The following ATP11B variants were observed in gnomAD, a reference collection of about 807,000 sequenced individuals.
ATP11B encodes the protein ATPase phospholipid transporting 11B (putative).
In ATP11B, 81 loss-of-function variants were observed where a neutral mutation model predicts 157.8. The ratio of observed to expected loss-of-function variants is 0.51; its 90% CI spans 0.43 to 0.62. The LOEUF (loss-of-function observed/expected upper bound fraction) is 0.62, where lower values mean the gene tolerates loss of function less well. Ranked by LOEUF, ATP11B falls within the 20% of genes least tolerant of loss-of-function variation. The pLI, the probability that ATP11B is intolerant of heterozygous loss-of-function variation, is 0.00. For synonymous variants in ATP11B, 451 were observed against 469.4 expected, an observed-to-expected ratio of 0.96 and a Z score of 0.51; for missense variants, 1,165 against 1,402.2, an observed-to-expected ratio of 0.83 and a Z score of 2.70.
intron 28 of ATP11B, among the ~76,000 whole-genome samples, chr3:182,910,355 C>T (rs1408884810): frequency 6.6e-6 from 1 of 151,390 alleles, no homozygotes; most frequent in Non-Finnish European, 1.5e-5. Flanking sequence ...GTGGGAGGAC[C>T]ACTGGAGGCC....
At position 182,872,990 on chromosome 3, in the gene ATP11B, A is replaced by G. The variant is rs192241710; in HGVS notation, c.2048+453A>G. Among the ~76,000 whole-genome samples the G allele has an allele frequency of 1.6e-4, 24 of 152,326 alleles. No individual in the cohort carries two copies. In the East Asian group the frequency reaches 4.4e-3, roughly 28 times the overall value. ...ACCATCCCTCTGTGACTACCTATTC[A>G]TAAAGTATAGCTTAGATATTAGCTC... On this transcript the variant is annotated intron_variant, in intron 18 of 29. Transcript: ENST00000323116.
chr3:182,824,894 A>G (rs917011606), intron 2 of ATP11B, among the ~76,000 whole-genome samples: 17 of 152,188 alleles, frequency 1.1e-4, no homozygotes, highest in African/African-American at 4.1e-4. Flanking sequence ...TAAAATGTAA[A>G]TTTTATGTAT....
At position 182,803,752 on chromosome 3, in the gene ATP11B, C is replaced by G. The variant is rs895943772; in HGVS notation, c.27+9966C>G. On this transcript the variant is annotated intron_variant, in intron 1 of 29. Coordinates refer to ENST00000323116, the MANE Select transcript of ATP11B (RefSeq NM_014616.3). Reference sequence around the variant, plus strand: ...CTGTTTATTGAATGAGGCATCCTTCCTCCACGAGTCTGTGTTGTTTGCCTT... The same window carrying G: ...CTGTTTATTGAATGAGGCATCCTTCGTCCACGAGTCTGTGTTGTTTGCCTT... 3.9e-5 allele frequency among the ~76,000 whole-genome samples: 6 copies of G among 152,154 alleles called. No individual in the cohort carries two copies. In the East Asian group the frequency reaches 1.2e-3, roughly 29 times the overall value.
chr3:182,830,466 G>A (rs2108506053), intron 4 of ATP11B, among the ~76,000 whole-genome samples: 1 of 152,232 alleles, frequency 6.6e-6, no homozygotes, highest in East Asian at 1.9e-4. Flanking sequence ...GAGAAACAAG[G>A]TTATTAGATA....
At chr3:182,876,043 G>C (rs922633847) in intron 19 of ATP11B, among the ~76,000 whole-genome samples, 3 of 151,994 alleles carry the variant, frequency 2.0e-5, no homozygotes, top group African/African-American at 7.3e-5. Context: ...AGGAGTTTGA[G>C]ATCAGCCTGG....
chr3:182,820,640 A>G (rs573745330), intron 2 of ATP11B, among the ~76,000 whole-genome samples: 2 of 152,216 alleles, frequency 1.3e-5, no homozygotes, highest in East Asian at 3.9e-4. Flanking sequence ...CTGCACTCCA[A>G]CCTGGGCAAC....
At chr3:182,806,666 A>G (rs1716346361) in intron 1 of ATP11B, among the ~76,000 whole-genome samples, 2 of 152,232 alleles carry the variant, frequency 1.3e-5, no homozygotes, top group South Asian at 4.1e-4. Flanking sequence ...CATTTTCAGC[A>G]TTTATTTATT....
chr3:182,868,789 T>C (rs555312109), intron 15 of ATP11B, among the ~76,000 whole-genome samples: 6 of 152,328 alleles, frequency 3.9e-5, no homozygotes, highest in African/African-American at 9.6e-5. Context: ...CTGAGGTTAA[T>C]AGTCCTCATC....
intron 25 of ATP11B, among the ~76,000 whole-genome samples, chr3:182,895,748 T>TA (rs532308978): frequency 4.9e-4 from 74 of 152,100 alleles, no homozygotes; most frequent in Admixed American, 9.2e-4. Context: ...CTAGGGTACT[T>TA]ACAGGTGTGG....
rs575881728 is a variant in ATP11B, at chr3:182,797,283, A to G, written c.27+3497A>G. Among the ~76,000 whole-genome samples the G allele has an allele frequency of 3.2e-4, 49 of 152,302 alleles. 1 individual carries two copies. In the South Asian group the frequency reaches 9.7e-3, roughly 30 times the overall value. On this transcript the variant is annotated intron_variant, in intron 1 of 29. Transcript: ENST00000323116. Reference sequence around the variant, plus strand: ...ACTTTTTCCTGTACCTGTAACTGGCAAATTCTTTTTAATTTTCTGAAAAAC... The same window carrying G: ...ACTTTTTCCTGTACCTGTAACTGGCGAATTCTTTTTAATTTTCTGAAAAAC...
At chr3:182,902,749 T>C (rs1415789330) in intron 28 of ATP11B, among the ~76,000 whole-genome samples, 3 of 151,744 alleles carry the variant, frequency 2.0e-5, no homozygotes, top group Non-Finnish European at 4.4e-5. Flanking sequence ...AATCCATTTC[T>C]TCTTTGAGAA....
chr3:182,857,136 G>A (rs1720463703), intron 10 of ATP11B, among the ~76,000 whole-genome samples: 1 of 151,976 alleles, frequency 6.6e-6, no homozygotes, highest in Non-Finnish European at 1.5e-5. Context: ...CCCCTTTACA[G>A]GGTTTTTGTT....
intron 1 of ATP11B, among the ~76,000 whole-genome samples, chr3:182,802,741 A>G (rs1298652603): frequency 6.6e-6 from 1 of 152,082 alleles, no homozygotes. Flanking sequence ...ACTTAATGCT[A>G]TTTAACCTAC....
rs1386392143 is a variant in ATP11B, at chr3:182,859,224, T to A, written c.1065T>A (p.Ile355=). 1 of 1,612,836 alleles carries A rather than the reference T, an allele frequency of 6.2e-7. No individual in the cohort carries two copies. Among genetic ancestry groups the A allele is most frequent in the Non-Finnish European group, 8.5e-7 (1 of 1,179,338 alleles). The part of the protein sequence containing the change: ...FLVLYNFIIP[I]SLYVTVEMQK... ...TTCTCTACAATTTCATCATTCCAAT[T>A]TCATTATATGTGACAGTCGAAATGC... The change falls in exon 12 of 30, where the codon ATT becomes ATA. Residue 355 remains isoleucine, a synonymous_variant. Coordinates refer to ENST00000323116, the MANE Select transcript of ATP11B (RefSeq NM_014616.3).
chr3:182,887,780 A>T, intron 24 of ATP11B, 67 bp downstream of exon 24: 5 of 1,503,990 alleles, frequency 3.3e-6, no homozygotes, highest in Non-Finnish European at 4.5e-6. Context: ...AGATTTATTT[A>T]TGTCTTGGTG....
At chr3:182,906,879 G>A (rs923494403) in intron 28 of ATP11B, among the ~76,000 whole-genome samples, 12 of 151,858 alleles carry the variant, frequency 7.9e-5, no homozygotes, top group Non-Finnish European at 1.8e-4. Context: ...ATGAGGTCAG[G>A]AGACCGAGAC....
intron 28 of ATP11B, among the ~76,000 whole-genome samples, chr3:182,908,804 C>T (rs897016632): frequency 5.3e-5 from 8 of 152,174 alleles, no homozygotes; most frequent in Admixed American, 4.6e-4. Flanking sequence ...ATTTGAAAAT[C>T]AGTAACATTT....
intron 29 of ATP11B, chr3:182,914,846 C>G: frequency 1.0e-6 from 1 of 985,344 alleles, no homozygotes; most frequent in Non-Finnish European, 1.2e-6. Context: ...TTTTTCCACA[C>G]TTGGTGTTCT....
At chr3:182,829,407 G>A (rs757837345) in intron 3 of ATP11B, among the ~76,000 whole-genome samples, 1 of 152,146 alleles carries the variant, frequency 6.6e-6, no homozygotes, top group Admixed American at 6.5e-5. Flanking sequence ...AATGTGAAAC[G>A]AGATCTGAGT....
Sources: allele counts gnomAD v4.1 joint callset (sites outside exome capture counted in the v4.1 genomes callset), GRCh38; gene constraint gnomAD v4.1.1; transcripts MANE v1.5; gene names NCBI Gene and HGNC (gene_info 2026-07-23, HGNC 2026-07-21).